Variants in SLAIN2 observed in about 807,000 individuals in gnomAD.
The protein encoded by SLAIN2 is SLAIN family member 2, also known as SLAIN motif-containing protein 2.
In SLAIN2, 31 loss-of-function variants were observed where a neutral mutation model predicts 56.6. The ratio of observed to expected loss-of-function variants is 0.55; its 90% CI spans 0.41 to 0.74. The LOEUF is 0.74. SLAIN2 is among the 30% of genes least tolerant of loss of function. SLAIN2 has a pLI of 0.00. For missense variants in SLAIN2, 777 were observed against 754.2 expected, an observed-to-expected ratio of 1.03 and a Z score of -0.35; for synonymous variants, 317 against 284.9, an observed-to-expected ratio of 1.11 and a Z score of -1.13.
chr4:48,384,544 ATT>A (rs1716053547), intron 6 of SLAIN2, among the ~76,000 whole-genome samples: 1 of 152,196 alleles, frequency 6.6e-6, no homozygotes, highest in African/African-American at 2.4e-5. Flanking sequence ...GTCTCTTTAA[ATT>A]ATCTTTCAGA....
chr4:48,384,853 T>C (rs55851785), intron 6 of SLAIN2, among the ~76,000 whole-genome samples: 1 of 152,164 alleles, frequency 6.6e-6, no homozygotes, highest in Non-Finnish European at 1.5e-5. Flanking sequence ...GATAGGATGA[T>C]GAGGAGTGGA....
At chr4:48,403,481 C>T (rs762450960) in intron 6 of SLAIN2, among the ~76,000 whole-genome samples, 3 of 152,234 alleles carry the variant, frequency 2.0e-5, no homozygotes, top group Non-Finnish European at 4.4e-5. Context: ...AGTCTGGCCA[C>T]GATCTGGCAC....
Position 48,418,614 on chromosome 4 carries a change from T to C in SLAIN2, c.1361-1511T>C, listed in dbSNP as rs148978974. Among the ~76,000 whole-genome samples, 29 of 152,340 alleles carry C rather than the reference T, an allele frequency of 1.9e-4. No individual in the cohort carries two copies. The East Asian group carries it at 5.4e-3, about 28-fold the overall frequency. On this transcript the variant is annotated intron_variant, in intron 6 of 7. Transcript: ENST00000264313. ...AACAATATTGATCCGAAGTTTTCTT[T>C]TTTGATACTGTCCTTTTCTAGTTTT...
Position 48,341,640 on chromosome 4 carries a change from C to G in SLAIN2, c.-100C>G. 3 of 1,463,228 alleles carry G rather than the reference C, an allele frequency of 2.1e-6. No homozygotes were observed. Among genetic ancestry groups the G allele is most frequent in the Non-Finnish European group, 2.7e-6 (3 of 1,107,306 alleles). The allele number at this position is 1,463,228 out of a possible 1,614,324, so 90.6% of individuals were successfully genotyped here. A position where few individuals can be genotyped will look rare whatever the true frequency, so the allele number is the denominator to read the frequency against. On this transcript the variant is annotated 5_prime_UTR_variant, in exon 1 of 8. Transcript: ENST00000264313. ...CTGGTCCTGCTATATGCCGGCGCCT[C>G]GGCTAGAGTGAGCGGCGGCGACGCC... is the stretch of plus-strand genomic sequence containing the variant.
At chr4:48,410,029 C>G (rs934386290) in intron 6 of SLAIN2, among the ~76,000 whole-genome samples, 1 of 152,174 alleles carries the variant, frequency 6.6e-6, no homozygotes, top group Non-Finnish European at 1.5e-5. Context: ...ATCTGCTAAA[C>G]TGTTTTCCAG....
chr4:48,364,757 C>G (rs1216172214), intron 1 of SLAIN2, among the ~76,000 whole-genome samples: 5 of 136,956 alleles, frequency 3.7e-5, no homozygotes, highest in Non-Finnish European at 8.1e-5. Context: ...CGCAGGCACT[C>G]CGCAGGCTGA....
chr4:48,393,386 TTGTGTGTGTGTG>T (rs57142552), intron 6 of SLAIN2, among the ~76,000 whole-genome samples: 24 of 135,346 alleles, frequency 1.8e-4, no homozygotes, highest in South Asian at 2.6e-4. Flanking sequence ...CATGTCTGGC[TTGTGTGTGTGTG>T]TGTGTGTGTG....
chr4:48,357,031 C>T (rs1715174375), intron 1 of SLAIN2, among the ~76,000 whole-genome samples: 1 of 151,700 alleles, frequency 6.6e-6, no homozygotes, highest in South Asian at 2.1e-4. Context: ...TGTTCTAAAA[C>T]TTTATTAATG....
intron 1 of SLAIN2, among the ~76,000 whole-genome samples, chr4:48,363,777 C>G (rs866678690): frequency 1.7e-5 from 2 of 120,832 alleles, no homozygotes; most frequent in Admixed American, 1.6e-4. Flanking sequence ...CCGGACGGGG[C>G]GGCTGGCCGG....
Position 48,415,673 on chromosome 4 carries a change from T to G in SLAIN2, c.1361-4452T>G, listed in dbSNP as rs1396502107. Among the ~76,000 whole-genome samples the G allele has an allele frequency of 6.0e-5, 4 of 66,428 alleles. 2 individuals carry two copies. The highest frequency in any genetic ancestry group is 1.9e-4 in the African/African-American group (4 of 20,834). 43.6% of individuals were successfully genotyped at this position (66,428 alleles called of 152,430 possible). ...GAATGGTAATGCCTAGGTTTTCTTC[T>G]AGGGTTTTTATGGTTTTAGGTCTAA... On this transcript the variant is annotated intron_variant, in intron 6 of 7. Transcript: ENST00000264313.
chr4:48,365,176 A>G (rs1387587501), intron 1 of SLAIN2, among the ~76,000 whole-genome samples: 1 of 150,854 alleles, frequency 6.6e-6, no homozygotes. Context: ...TTCTGTCTTT[A>G]AAAAAAAATT....
chr4:48,375,247 A>G (rs184845159), intron 2 of SLAIN2, among the ~76,000 whole-genome samples: 1 of 152,328 alleles, frequency 6.6e-6, no homozygotes, highest in East Asian at 1.9e-4. Flanking sequence ...GCACAGGTTG[A>G]TAGTTCCAAG....
intron 6 of SLAIN2, among the ~76,000 whole-genome samples, chr4:48,411,231 A>G (rs182028207): frequency 7.9e-4 from 120 of 152,242 alleles, no homozygotes; most frequent in African/African-American, 2.1e-3. Context: ...CTCAGCATCT[A>G]TCTTTCTCAC....
intron 6 of SLAIN2, among the ~76,000 whole-genome samples, chr4:48,395,796 T>G (rs928296930): frequency 1.5e-5 from 2 of 133,654 alleles, no homozygotes; most frequent in Non-Finnish European, 3.1e-5. Flanking sequence ...GTGGACTTAT[T>G]TGGGAACCTT....
At position 48,342,016 on chromosome 4, in the gene SLAIN2, G is replaced by T; in HGVS notation, c.277G>T (p.Asp93Tyr). Residue 93 changes from aspartate (D) to tyrosine (Y), a missense_variant, in exon 1 of 8, where the codon GAC becomes TAC. Coordinates refer to ENST00000264313, the MANE Select transcript of SLAIN2 (RefSeq NM_020846.2). ...GCGGACGAGTAGCGAAGAGCTGCGG[G>T]ACGCCACCTCCTTGCTAGCGGCGGG... ...PRRTSSEELR[D>Y]ATSLLAAGEG... 2 of 1,417,464 alleles carry T rather than the reference G, an allele frequency of 1.4e-6. No homozygotes were observed. The highest frequency in any genetic ancestry group is 1.5e-5 in the South Asian group (1 of 64,876). 87.8% of individuals were successfully genotyped at this position (1,417,464 alleles called of 1,614,324 possible).
chr4:48,417,867 A>G lies in SLAIN2; in HGVS notation c.1361-2258A>G, dbSNP rs890414364. 8.5e-5 allele frequency among the ~76,000 whole-genome samples: 13 copies of G among 152,286 alleles called. No homozygotes were observed. The East Asian group carries it at 1.2e-3, about 14-fold the overall frequency. ...GATGTATTTCAAAATAATAAGAGCTATCTATGGTGTGGTATTTTTAATCTT... is the reference window on the plus strand; with the variant it reads ...GATGTATTTCAAAATAATAAGAGCTGTCTATGGTGTGGTATTTTTAATCTT... On this transcript the variant is annotated intron_variant, in intron 6 of 7. Coordinates refer to ENST00000264313, the MANE Select transcript of SLAIN2 (RefSeq NM_020846.2).
rs1238521442 is a variant in SLAIN2 at position 48,425,571 on chromosome 4, T to C, written c.*3494T>C. 1 of 152,160 alleles carries C rather than the reference T, an allele frequency of 6.6e-6. No homozygotes were observed. Among genetic ancestry groups the C allele is most frequent in the Admixed American group, 6.5e-5 (1 of 15,270 alleles). 9.4% of individuals were successfully genotyped at this position (152,160 alleles called of 1,614,324 possible). ...ATTAGAATAATTACAATTAAAATAATATTACATGTTACAATTAGATTAATA... is the reference window on the plus strand; with the variant it reads ...ATTAGAATAATTACAATTAAAATAACATTACATGTTACAATTAGATTAATA... On this transcript the variant is annotated 3_prime_UTR_variant, in exon 8 of 8. Transcript: ENST00000264313.
At chr4:48,409,820 G>C (rs1165323788) in intron 6 of SLAIN2, among the ~76,000 whole-genome samples, 1 of 152,126 alleles carries the variant, frequency 6.6e-6, no homozygotes, top group African/African-American at 2.4e-5. Context: ...GGAGGCAGAG[G>C]TTGCAGTGAG....
intron 1 of SLAIN2, among the ~76,000 whole-genome samples, chr4:48,359,778 ACTT>A (rs1378179169): frequency 1.3e-5 from 2 of 152,192 alleles, no homozygotes; most frequent in African/African-American, 2.4e-5. Context: ...CCAAAATATG[ACTT>A]CTTATTGTAA....
Sources: gnomAD v4.1 joint callset for allele counts (sites outside exome capture counted in the v4.1 genomes callset) on GRCh38, gnomAD v4.1.1 for gene constraint, MANE v1.5 for transcripts, NCBI Gene and HGNC (gene_info 2026-07-23, HGNC 2026-07-21) for gene names.